ATG5: variants seen among roughly 807,000 people sequenced by gnomAD.
The protein encoded by ATG5 is autophagy protein 5.
ATG5 carries 14 observed loss-of-function variants against 36.5 expected under a neutral mutation model. The observed-to-expected ratio is 0.38, with a 90% CI of 0.25 to 0.60. The LOEUF (loss-of-function observed/expected upper bound fraction) is 0.60, where lower values mean the gene tolerates loss of function less well. Among genes scored for constraint, ATG5 ranks in the 20% least tolerant of loss-of-function variants. The pLI is 0.60. For synonymous variants in ATG5, 95 were observed against 101.5 expected (o/e 0.94, Z 0.38); for missense variants, 195 against 326.7 (o/e 0.60, Z 3.11).
At chr6:106,285,803 AT>A (rs985286936) in intron 4 of ATG5, among the ~76,000 whole-genome samples, 9 of 152,188 alleles carry the variant, frequency 5.9e-5, no homozygotes, top group Admixed American at 1.3e-4. Context: ...GTCACAAAAT[AT>A]TTTTTTAAAT....
intron 5 of ATG5, among the ~76,000 whole-genome samples, chr6:106,263,591 C>G (rs1779111980): frequency 6.6e-6 from 1 of 152,208 alleles, no homozygotes; most frequent in South Asian, 2.1e-4. Context: ...TCAGCAGACA[C>G]CTCAAACAAG....
chr6:106,297,982 T>C (rs972825090), intron 3 of ATG5, among the ~76,000 whole-genome samples: 1 of 149,548 alleles, frequency 6.7e-6, no homozygotes, highest in Non-Finnish European at 1.5e-5. Context: ...TTTTTTTTTT[T>C]GAGACAGAGT....
At chr6:106,215,670 A>G (rs1262980785) in intron 6 of ATG5, among the ~76,000 whole-genome samples, 3 of 152,098 alleles carry the variant, frequency 2.0e-5, no homozygotes, top group Non-Finnish European at 4.4e-5. Context: ...AAAAAAATAT[A>G]AGAGGAAACC....
intron 4 of ATG5, among the ~76,000 whole-genome samples, chr6:106,285,658 C>T (rs1181485116): frequency 3.0e-4 from 45 of 152,170 alleles, no homozygotes; most frequent in Admixed American, 2.9e-3. Flanking sequence ...CAGTCTCTAT[C>T]CCAAATACTC....
intron 4 of ATG5, among the ~76,000 whole-genome samples, chr6:106,289,752 CTA>C (rs1780227796): frequency 6.6e-6 from 1 of 152,014 alleles, no homozygotes; most frequent in Non-Finnish European, 1.5e-5. Context: ...CAAAAATCAA[CTA>C]TGTTTCCCAG....
chr6:106,209,004 T>C (rs1313160462), intron 6 of ATG5, among the ~76,000 whole-genome samples: 1 of 151,950 alleles, frequency 6.6e-6, no homozygotes, highest in East Asian at 1.9e-4. Context: ...TACCAAAATA[T>C]CCAAAATAAA....
At chr6:106,191,140 T>C (rs1305206143) in intron 7 of ATG5, among the ~76,000 whole-genome samples, 2 of 152,216 alleles carry the variant, frequency 1.3e-5, no homozygotes, top group Non-Finnish European at 1.5e-5. Flanking sequence ...AATATATACA[T>C]ATATATGAGC....
chr6:106,311,232 A>C (rs914553895), intron 2 of ATG5, among the ~76,000 whole-genome samples: 1 of 152,228 alleles, frequency 6.6e-6, no homozygotes, highest in Non-Finnish European at 1.5e-5. Context: ...GAGACAGAAG[A>C]GTCCTTCCCC....
At chr6:106,228,281 C>T (rs1470380193) in intron 6 of ATG5, among the ~76,000 whole-genome samples, 2 of 152,286 alleles carry the variant, frequency 1.3e-5, no homozygotes, top group Admixed American at 6.5e-5. Flanking sequence ...TTGCCGCCAT[C>T]GCAGGCCTGC....
chr6:106,194,956 G>C (rs989746527), intron 7 of ATG5, among the ~76,000 whole-genome samples: 2 of 152,192 alleles, frequency 1.3e-5, no homozygotes, highest in African/African-American at 2.4e-5. Flanking sequence ...CAGAAGCTTA[G>C]ATCTCTGAGT....
intron 1 of ATG5, among the ~76,000 whole-genome samples, chr6:106,319,797 A>T (rs986654612): frequency 1.3e-5 from 2 of 152,186 alleles, no homozygotes; most frequent in Non-Finnish European, 2.9e-5. Flanking sequence ...CACCTCTGAT[A>T]CTTGGAATGG....
intron 6 of ATG5, among the ~76,000 whole-genome samples, chr6:106,231,788 A>G (rs1254998376): frequency 6.6e-6 from 1 of 152,088 alleles, no homozygotes; most frequent in Non-Finnish European, 1.5e-5. Flanking sequence ...TGGCAACCTC[A>G]GTTTTTTATA....
At chr6:106,282,892 TCCTCCCAATTCAG>T (rs1702381934) in intron 4 of ATG5, among the ~76,000 whole-genome samples, 1 of 151,992 alleles carries the variant, frequency 6.6e-6, no homozygotes, top group South Asian at 2.1e-4. Flanking sequence ...GCCCAAGCGA[TCCTCCCAATTCAG>T]CCTCCTGAGT....
At chr6:106,251,035 C>T (rs1033931399) in intron 5 of ATG5, among the ~76,000 whole-genome samples, 4 of 152,238 alleles carry the variant, frequency 2.6e-5, no homozygotes, top group African/African-American at 9.6e-5. Flanking sequence ...CCAGGGTTAA[C>T]CAGCCCTCAA....
intron 5 of ATG5, among the ~76,000 whole-genome samples, chr6:106,257,938 C>T (rs528188545): frequency 2.0e-5 from 3 of 152,140 alleles, no homozygotes; most frequent in Admixed American, 6.5e-5. Context: ...TCCCATTATG[C>T]ACTTAATTGA....
intron 6 of ATG5, among the ~76,000 whole-genome samples, chr6:106,228,443 T>A (rs1033012943): frequency 7.9e-5 from 12 of 152,172 alleles, no homozygotes; most frequent in African/African-American, 2.9e-4. Context: ...TGAACACTAG[T>A]CACTGGGTTC....
intron 7 of ATG5, among the ~76,000 whole-genome samples, chr6:106,190,165 A>G (rs1044347012): frequency 2.1e-4 from 32 of 152,180 alleles, no homozygotes; most frequent in African/African-American, 7.2e-4. Context: ...GGACTGTCTT[A>G]GTCTGTCTGT....
In ATG5 at chr6:106,280,680, G is replaced by A. The variant is rs1440707512; in HGVS notation, c.316-857C>T. 7.2e-5 allele frequency among the ~76,000 whole-genome samples: 11 copies of A among 152,108 alleles called. No homozygotes were observed. In the East Asian group the frequency reaches 7.7e-4, roughly 11 times the overall value. ...GTTACTGAACACTTACTGTGACACC[G>A]TATTAAAACTTTTTATATGGATTAT... On this transcript the variant is annotated intron_variant, in intron 4 of 7. Coordinates refer to ENST00000369076, the MANE Select transcript of ATG5 (RefSeq NM_004849.4).
At chr6:106,241,332 G>A (rs953614301) in intron 6 of ATG5, among the ~76,000 whole-genome samples, 5 of 152,138 alleles carry the variant, frequency 3.3e-5, no homozygotes, top group African/African-American at 7.2e-5. Flanking sequence ...CTAGTATGAA[G>A]AACAGAAAAT....
Sources: gnomAD v4.1 joint callset for allele counts (sites outside exome capture counted in the v4.1 genomes callset) on GRCh38, gnomAD v4.1.1 for gene constraint, MANE v1.5 for transcripts, NCBI Gene and HGNC (gene_info 2026-07-23, HGNC 2026-07-21) for gene names.